The following CEACAM5 variants were observed in gnomAD, a reference collection of about 807,000 sequenced individuals.
CEACAM5 encodes CEA cell adhesion molecule 5.
CEACAM5 carries 52 observed loss-of-function variants against 63.0 expected under a neutral mutation model. The observed-to-expected ratio is 0.83, with a 90% CI of 0.66 to 1.04. The LOEUF (loss-of-function observed/expected upper bound fraction) is 1.04, where lower values mean the gene tolerates loss of function less well. Ranked by LOEUF, CEACAM5 falls within the 50% of genes least tolerant of loss-of-function variation. The pLI, the probability that CEACAM5 is intolerant of heterozygous loss-of-function variation, is 0.00. For missense variants in CEACAM5, 790 were observed against 864.8 expected, an observed-to-expected ratio of 0.91 and a Z score of 1.08; for synonymous variants, 357 against 351.3, an observed-to-expected ratio of 1.02 and a Z score of -0.18.
Position 41,715,668 on chromosome 19 carries a change from C to A in CEACAM5, c.722C>A (p.Thr241Asn). ...GCTCCAGATGGCCCGGATGCCCCCA[C>A]CATTTCCCCTCTAAACACATCTTAC... ...LNVLYGPDAP[T>N]ISPLNTSYRS... Residue 241 changes from threonine to asparagine, a missense_variant, in exon 4 of 10, where the codon ACC becomes AAC. Physicochemically the swap from Thr to Asn is moderately conservative, Grantham distance 65. Coordinates refer to ENST00000221992, the MANE Select transcript of CEACAM5 (RefSeq NM_004363.6). 6.2e-7 allele frequency: 1 copy of A among 1,614,200 alleles called. No homozygotes were observed. Among genetic ancestry groups the A allele is most frequent in the Non-Finnish European group, 8.5e-7 (1 of 1,180,038 alleles).
chr19:41,717,765 C>T (rs782684510), intron 5 of CEACAM5, 32 bp downstream of exon 5: 2 of 1,606,872 alleles, frequency 1.2e-6, no homozygotes, highest in East Asian at 4.5e-5. Context: ...GTGGCTCAGG[C>T]TGCCAGCCCA....
At position 41,718,475 on chromosome 19, in the gene CEACAM5, A is replaced by G. The variant is rs1293299422; in HGVS notation, c.1492+93A>G. The G allele has an allele frequency of 1.6e-5, 21 of 1,354,024 alleles. No individual in the cohort carries two copies. In the African/African-American group the frequency reaches 2.4e-4, roughly 16 times the overall value. 83.9% of individuals were successfully genotyped at this position (1,354,024 alleles called of 1,614,324 possible). On this transcript the variant is annotated intron_variant, in intron 6 of 9. Transcript: ENST00000221992. The stretch of plus-strand genomic sequence containing the variant: ...CCAGGAAGAAATTTTCTTTCCTAGT[A>G]TGCATCCAATGGGCACAAGCAATCC...
In CEACAM5 at chr19:41,710,199, A is replaced by C. The variant is rs547087303; in HGVS notation, c.424+160A>C. On this transcript the variant is annotated intron_variant, in intron 2 of 9. Coordinates refer to ENST00000221992, the MANE Select transcript of CEACAM5 (RefSeq NM_004363.6). Reference sequence around the variant, plus strand: ...GATACACACAGAAGAGACAAACTTCAACAGATCAGAATTCCTTTCCGGCAT... The same window carrying C: ...GATACACACAGAAGAGACAAACTTCCACAGATCAGAATTCCTTTCCGGCAT... 374 of 1,108,320 alleles carry C rather than the reference A, an allele frequency of 3.4e-4. 1 individual carries two copies. The highest frequency in any genetic ancestry group is 1.7e-3 in the African/African-American group (111 of 64,092). 68.7% of individuals were successfully genotyped at this position (1,108,320 alleles called of 1,614,324 possible).
At position 41,720,036 on chromosome 19, in the gene CEACAM5, G is replaced by A; in HGVS notation, c.1599G>A (p.Leu533=). 2 of 1,614,232 alleles carry A rather than the reference G, an allele frequency of 1.2e-6. No homozygotes were observed. Among genetic ancestry groups the A allele is most frequent in the Admixed American group, 1.7e-5 (1 of 60,030 alleles). Residue 533 remains leucine (L), a synonymous_variant, in exon 7 of 10, where the codon CTG becomes CTA. Coordinates refer to ENST00000221992, the MANE Select transcript of CEACAM5 (RefSeq NM_004363.6). Reference sequence around the variant, plus strand: ...CTGAGGCTCAGAACACAACCTACCTGTGGTGGGTAAATGGTCAGAGCCTCC... The same window carrying A: ...CTGAGGCTCAGAACACAACCTACCTATGGTGGGTAAATGGTCAGAGCCTCC... ...CEPEAQNTTY[L]WWVNGQSLPV...
At chr19:41,717,863 C>G in intron 5 of CEACAM5, 130 bp downstream of exon 5, 1 of 1,238,754 alleles carries the variant, frequency 8.1e-7, no homozygotes, top group Non-Finnish European at 1.1e-6. Flanking sequence ...GCTGGCCCTA[C>G]CCCCAGCAAA....
At chr19:41,716,269 A>G (rs2122795149) in intron 4 of CEACAM5, among the ~76,000 whole-genome samples, 1 of 152,348 alleles carries the variant, frequency 6.6e-6, no homozygotes, top group East Asian at 1.9e-4. Context: ...TGCCTACTCC[A>G]TGAGCTACAA....
intron 8 of CEACAM5, among the ~76,000 whole-genome samples, 162 bp downstream of exon 8, chr19:41,721,338 T>A (rs1181918115): frequency 6.6e-6 from 1 of 152,132 alleles, no homozygotes; most frequent in Admixed American, 6.5e-5. Context: ...CGGCCAACTC[T>A]CTCCTCCCCG....
intron 9 of CEACAM5, 103 bp downstream of exon 9, chr19:41,727,455 T>G: frequency 1.2e-5 from 8 of 690,922 alleles, no homozygotes; most frequent in Non-Finnish European, 1.8e-5. Context: ...ACTGGATCTC[T>G]TCCTCCTACC....
intron 6 of CEACAM5, 100 bp from the exon 7 acceptor site, chr19:41,719,830 G>A (rs1255580522): frequency 2.1e-5 from 33 of 1,568,474 alleles, no homozygotes; most frequent in African/African-American, 4.1e-5. Context: ...TTAAGGACTC[G>A]GGTGGGCTGA....
Position 41,721,269 on chromosome 19 carries a change from CTG to C in CEACAM5, c.2026+97_2026+98del, listed in dbSNP as rs1233234795. On this transcript the variant is annotated intron_variant, in intron 8 of 9. Transcript: ENST00000221992. ...CCAAGAAGACATTTTCTTTCCCAGT[CTG>C]TGTTCCATGGGCACAAGGAAATCCC... The C allele has an allele frequency of 2.8e-6, 4 of 1,436,036 alleles. No homozygotes were observed. The African/African-American group carries it at 5.6e-5, about 20-fold the overall frequency. The allele number at this position is 1,436,036 out of a possible 1,614,324, so 89.0% of individuals were successfully genotyped here. A position where few individuals can be genotyped will look rare whatever the true frequency, so the allele number is the denominator to read the frequency against.
chr19:41,709,751 G>T lies in CEACAM5; in HGVS notation c.136G>T (p.Ala46Ser). ...LTIESTPFNV[A>S]EGKEVLLLVH... ...TATTGAATCCACGCCGTTCAATGTCGCAGAGGGGAAGGAGGTGCTTCTACT... is the reference window on the plus strand; with the variant it reads ...TATTGAATCCACGCCGTTCAATGTCTCAGAGGGGAAGGAGGTGCTTCTACT... Residue 46 changes from alanine to serine, a missense_variant, in exon 2 of 10, where the codon GCA becomes TCA. Transcript: ENST00000221992. 1 of 1,614,072 alleles carries T rather than the reference G, an allele frequency of 6.2e-7. No homozygotes were observed. The highest frequency in any genetic ancestry group is 1.6e-4 in the Middle Eastern group (1 of 6,062).
chr19:41,709,934 CT>C lies in CEACAM5; in HGVS notation c.320del (p.Leu107ArgfsTer2). On this transcript the variant is annotated frameshift_variant, in exon 2 of 10. Transcript: ENST00000221992. LOFTEE classifies it high-confidence loss of function. ...AGAGATAATATACCCCAATGCATCC[CT>C]GCTGATCCAGAACATCATCCAGAAT... ...GREIIYPNAS[L>X]LIQNIIQNDT... 1 of 1,614,106 alleles carries C rather than the reference CT, an allele frequency of 6.2e-7. No individual in the cohort carries two copies. Among genetic ancestry groups the C allele is most frequent in the Non-Finnish European group, 8.5e-7 (1 of 1,180,000 alleles).
chr19:41,728,918 A>C (rs1478768017), intron 9 of CEACAM5, among the ~76,000 whole-genome samples: 1 of 152,160 alleles, frequency 6.6e-6, no homozygotes, highest in Non-Finnish European at 1.5e-5. Context: ...AGCTGAATGG[A>C]AAGGCCACCT....
At chr19:41,715,604 C>G in intron 3 of CEACAM5, 46 bp from the exon 4 acceptor site, 4 of 1,608,840 alleles carry the variant, frequency 2.5e-6, no homozygotes, top group Non-Finnish European at 3.4e-6. Flanking sequence ...GGAACTTCCA[C>G]TTCCCTCTGA....
At chr19:41,722,130 G>A (rs1000562935) in intron 8 of CEACAM5, among the ~76,000 whole-genome samples, 15 of 152,208 alleles carry the variant, frequency 9.9e-5, no homozygotes, top group Middle Eastern at 3.4e-3. Context: ...CGGTGTGGTG[G>A]CTCATCCCTG....
Position 41,721,169 on chromosome 19 carries a change from A to C in CEACAM5, c.2019A>C (p.Thr673=), listed in dbSNP as rs1454145444. The change falls in exon 8 of 10, where the codon ACA becomes ACC. Residue 673 remains threonine, a synonymous_variant. Coordinates refer to ENST00000221992, the MANE Select transcript of CEACAM5 (RefSeq NM_004363.6). ...ATAATTCCATAGTCAAGAGCATCACAGTCTCTGGTAAGTGGCTCCCTGGAG... is the reference window on the plus strand; with the variant it reads ...ATAATTCCATAGTCAAGAGCATCACCGTCTCTGGTAAGTGGCTCCCTGGAG... ...GRNNSIVKSI[T]VSASGTSPGL... 1.9e-6 allele frequency: 3 copies of C among 1,614,056 alleles called. No homozygotes were observed. The African/African-American group carries it at 4.0e-5, about 22-fold the overall frequency.
At position 41,711,745 on chromosome 19, in the gene CEACAM5, C is replaced by T. The variant is rs2072439145; in HGVS notation, c.424+1706C>T. On this transcript the variant is annotated intron_variant, in intron 2 of 9. Transcript: ENST00000221992. ...TCTTCTATTCCTCCATGTTCTTCGT[C>T]TTCCTCCCTCTTCATTCCAGCTGAG... Among the ~76,000 whole-genome samples, 3 of 152,162 alleles carry T rather than the reference C, an allele frequency of 2.0e-5. No homozygotes were observed. In the South Asian group the frequency reaches 6.2e-4, roughly 32 times the overall value.
intron 6 of CEACAM5, among the ~76,000 whole-genome samples, chr19:41,718,803 A>T (rs1555815596): frequency 6.6e-6 from 1 of 152,198 alleles, no homozygotes; most frequent in East Asian, 1.9e-4. Flanking sequence ...TTTTCCCCAA[A>T]TGAGAGGAGG....
At chr19:41,720,534 T>A (rs1600471246) in intron 7 of CEACAM5, among the ~76,000 whole-genome samples, 1 of 126,570 alleles carries the variant, frequency 7.9e-6, no homozygotes, top group African/African-American at 3.1e-5. Flanking sequence ...TGAGACGGAG[T>A]CTCGCTCTTT....
Sources: allele counts gnomAD v4.1 joint callset (sites outside exome capture counted in the v4.1 genomes callset), GRCh38; gene constraint gnomAD v4.1.1; transcripts MANE v1.5; gene names NCBI Gene and HGNC (gene_info 2026-07-23, HGNC 2026-07-21).